Variants in RAPGEF2 observed in about 807,000 individuals in gnomAD.
The protein encoded by RAPGEF2 is PDZ domain containing guanine nucleotide exchange factor (GEF) 1.
A neutral mutation model predicts 186.7 loss-of-function variants in RAPGEF2; 54 were observed. That is an observed-to-expected ratio of 0.29 (90% CI 0.23 to 0.36). The LOEUF (loss-of-function observed/expected upper bound fraction) is 0.36, where lower values mean the gene tolerates loss of function less well. Ranked by LOEUF, RAPGEF2 falls within the 10% of genes least tolerant of loss-of-function variation. RAPGEF2 has a pLI of 1.00. For missense variants in RAPGEF2, 1,532 were observed against 2,045.0 expected, an observed-to-expected ratio of 0.75 and a Z score of 4.84; for synonymous variants, 712 against 705.9, an observed-to-expected ratio of 1.01 and a Z score of -0.14.
intron 7 of RAPGEF2, among the ~76,000 whole-genome samples, chr4:159,279,563 A>C (rs754983933): frequency 6.6e-6 from 1 of 152,210 alleles, no homozygotes; most frequent in Non-Finnish European, 1.5e-5. Context: ...CTTGATCTCA[A>C]TGGAAATAAA....
At chr4:159,183,971 T>A (rs1747292379) in intron 1 of RAPGEF2, among the ~76,000 whole-genome samples, 1 of 152,206 alleles carries the variant, frequency 6.6e-6, no homozygotes, top group Admixed American at 6.5e-5. Flanking sequence ...AGTTCCCACC[T>A]GTGAGTGAGA....
At chr4:159,209,422 G>A (rs1750301962) in intron 3 of RAPGEF2, among the ~76,000 whole-genome samples, 1 of 152,226 alleles carries the variant, frequency 6.6e-6, no homozygotes, top group East Asian at 1.9e-4. Flanking sequence ...GGCAGCCCAT[G>A]GCCTTTGCAC....
chr4:159,352,552 A>G lies in RAPGEF2; in HGVS notation c.3866-133A>G, dbSNP rs1261313324. 3.8e-5 allele frequency: 25 copies of G among 662,872 alleles called. No individual in the cohort carries two copies. In the East Asian group the frequency reaches 6.5e-4, roughly 17 times the overall value. The allele number at this position is 662,872 out of a possible 1,614,324, so 41.1% of individuals were successfully genotyped here. A position where few individuals can be genotyped will look rare whatever the true frequency, so the allele number is the denominator to read the frequency against. On this transcript the variant is annotated intron_variant, in intron 26 of 29. Transcript: ENST00000691494. ...GTCTCTTAGTCATGTGGTCTCTACA[A>G]GTGAAATGGGGTTTTTCTCCCCACT...
intron 1 of RAPGEF2, among the ~76,000 whole-genome samples, chr4:159,156,588 A>T (rs144213419): frequency 0.015 from 2,273 of 152,094 alleles, 23 homozygotes; most frequent in South Asian, 0.051. Flanking sequence ...GCACTGATCA[A>T]CTCATCATTT....
rs371739050 is a variant in RAPGEF2 at position 159,330,515 on chromosome 4, A to G, written c.1467+17A>G. 21 of 1,566,634 alleles carry G rather than the reference A, an allele frequency of 1.3e-5. No homozygotes were observed. Among genetic ancestry groups the G allele is most frequent in the East Asian group, 6.8e-5 (3 of 43,932 alleles). On this transcript the variant is annotated intron_variant, in intron 13 of 29. Coordinates refer to ENST00000691494, the MANE Select transcript of RAPGEF2 (RefSeq NM_001394067.2). ...AGGGATAAGGTTGGAAATATATTCT[A>G]TTTTGTCTCTTAAATATGAAATGTA...
chr4:159,138,026 C>T (rs1741911316), intron 1 of RAPGEF2, among the ~76,000 whole-genome samples: 1 of 152,188 alleles, frequency 6.6e-6, no homozygotes, highest in Non-Finnish European at 1.5e-5. Flanking sequence ...GTATAATTGA[C>T]TTTCGCACAG....
At chr4:159,155,261 T>G (rs1389844525) in intron 1 of RAPGEF2, among the ~76,000 whole-genome samples, 1 of 152,180 alleles carries the variant, frequency 6.6e-6, no homozygotes, top group Non-Finnish European at 1.5e-5. Flanking sequence ...AACACAGCAT[T>G]TAAAGCCAAT....
At chr4:159,115,217 G>A (rs904984616) in intron 1 of RAPGEF2, among the ~76,000 whole-genome samples, 11 of 152,120 alleles carry the variant, frequency 7.2e-5, no homozygotes, top group Admixed American at 3.3e-4. Context: ...TGAAATTGGC[G>A]TTAGAAGATT....
At chr4:159,190,317 G>A (rs1019029209) in intron 2 of RAPGEF2, among the ~76,000 whole-genome samples, 1 of 152,174 alleles carries the variant, frequency 6.6e-6, no homozygotes, top group African/African-American at 2.4e-5. Flanking sequence ...GCCTTGTGGG[G>A]AATGGACAAT....
intron 1 of RAPGEF2, among the ~76,000 whole-genome samples, chr4:159,158,911 T>C (rs144173190): frequency 0.013 from 2,011 of 152,280 alleles, 47 homozygotes; most frequent in African/African-American, 0.045. Context: ...CCCCTTTTCT[T>C]TAAAATTGAA....
At chr4:159,222,982 T>G (rs1358038991) in intron 4 of RAPGEF2, among the ~76,000 whole-genome samples, 1 of 151,968 alleles carries the variant, frequency 6.6e-6, no homozygotes, top group Non-Finnish European at 1.5e-5. Flanking sequence ...GTGACTTTAT[T>G]CTGTATTATG....
rs926305857 is a variant in RAPGEF2 at position 159,156,452 on chromosome 4, A to AT, written c.70-30180dup. Among the ~76,000 whole-genome samples, 16 of 149,080 alleles carry AT rather than the reference A, an allele frequency of 1.1e-4. No homozygotes were observed. In the South Asian group the frequency reaches 1.5e-3, roughly 14 times the overall value. On this transcript the variant is annotated intron_variant, in intron 1 of 29. Coordinates refer to ENST00000691494, the MANE Select transcript of RAPGEF2 (RefSeq NM_001394067.2). The stretch of plus-strand genomic sequence containing the variant: ...TTCTATAAATTATGATTTGTATGTA[A>AT]TTTTTTTTTTAGCCTGAGGAACTTT...
At chr4:159,292,092 A>G (rs905757136) in intron 7 of RAPGEF2, among the ~76,000 whole-genome samples, 1 of 152,262 alleles carries the variant, frequency 6.6e-6, no homozygotes, top group East Asian at 1.9e-4. Flanking sequence ...CGTTGCTGAT[A>G]TTTAAAATGT....
chr4:159,223,979 A>G (rs937061207), intron 4 of RAPGEF2, among the ~76,000 whole-genome samples: 4 of 151,494 alleles, frequency 2.6e-5, no homozygotes, highest in Non-Finnish European at 5.9e-5. Context: ...TCTCACTGCA[A>G]CCTCCACCTC....
At chr4:159,308,624 C>G (rs1763588066) in intron 8 of RAPGEF2, among the ~76,000 whole-genome samples, 1 of 152,130 alleles carries the variant, frequency 6.6e-6, no homozygotes, top group Admixed American at 6.5e-5. Context: ...TAAATGCTCA[C>G]AAGATGGACA....
chr4:159,155,289 T>G (rs1161347730), intron 1 of RAPGEF2, among the ~76,000 whole-genome samples: 1 of 152,130 alleles, frequency 6.6e-6, no homozygotes, highest in Non-Finnish European at 1.5e-5. Flanking sequence ...TCCCGCTGAG[T>G]GGTTTTAATT....
Position 159,353,466 on chromosome 4 carries a change from C to G in RAPGEF2, c.4092-21C>G. On this transcript the variant is annotated intron_variant, in intron 27 of 29. Transcript: ENST00000691494. This position sits in a 1 kb window ranked among gnomAD's most constrained non-coding sequence, Gnocchi z 4.3. The stretch of plus-strand genomic sequence containing the variant: ...ATCAATCTTGTTTTTTTTTTCTTTT[C>G]CATTTCTTTTAACCACTTAGGTCCT... The G allele has an allele frequency of 7.3e-7, 1 of 1,376,446 alleles. No homozygotes were observed. Among genetic ancestry groups the G allele is most frequent in the Non-Finnish European group, 9.5e-7 (1 of 1,055,384 alleles). The allele number at this position is 1,376,446 out of a possible 1,614,324, so 85.3% of individuals were successfully genotyped here.
At chr4:159,321,060 A>C (rs1369715432) in intron 9 of RAPGEF2, among the ~76,000 whole-genome samples, 1 of 152,182 alleles carries the variant, frequency 6.6e-6, no homozygotes, top group African/African-American at 2.4e-5. Context: ...ACTATGACTT[A>C]GGGAAGTTAA....
rs1025231161 is a variant in RAPGEF2 at position 159,103,783 on chromosome 4, G to C, written c.-380G>C. 1 of 152,534 alleles carries C rather than the reference G, an allele frequency of 6.6e-6. No homozygotes were observed. Among genetic ancestry groups the C allele is most frequent in the Non-Finnish European group, 1.5e-5 (1 of 68,354 alleles). 9.4% of individuals were successfully genotyped at this position (152,534 alleles called of 1,614,324 possible). On this transcript the variant is annotated 5_prime_UTR_variant, in exon 1 of 30. Transcript: ENST00000691494. ...CTAAAAATAACTCGGGCCCGCTGGG[G>C]CCAGGAGGAGCCGCCACTGTCCCCC...
Sources: allele counts gnomAD v4.1 joint callset (sites outside exome capture counted in the v4.1 genomes callset), GRCh38; gene constraint gnomAD v4.1.1; non-coding constraint Gnocchi (gnomAD v3.1); transcripts MANE v1.5; gene names NCBI Gene and HGNC (gene_info 2026-07-23, HGNC 2026-07-21).